PDE11A: variants seen among roughly 807,000 people sequenced by gnomAD.
The protein encoded by PDE11A is phosphodiesterase 11A.
PDE11A carries 100 observed loss-of-function variants against 100.5 expected under a neutral mutation model. That is an observed-to-expected ratio of 1.00 (90% CI 0.85 to 1.18). The LOEUF (loss-of-function observed/expected upper bound fraction) is 1.18, where lower values mean the gene tolerates loss of function less well. Ranked by LOEUF, PDE11A falls within the 50% of genes most tolerant of loss-of-function variation. The pLI is 0.00. For synonymous variants in PDE11A, 381 were observed against 420.8 expected, an observed-to-expected ratio of 0.91 and a Z score of 1.16; for missense variants, 1,141 against 1,152.6, an observed-to-expected ratio of 0.99 and a Z score of 0.15.
intron 2 of PDE11A, among the ~76,000 whole-genome samples, chr2:177,966,359 G>C (rs80331795): frequency 0.16 from 24,043 of 151,966 alleles, 1,967 homozygotes; most frequent in Middle Eastern, 0.26. Flanking sequence ...TGATTGCTCT[G>C]GCTGAGTCTT....
At chr2:177,819,131 T>C (rs564633236) in intron 7 of PDE11A, among the ~76,000 whole-genome samples, 1 of 152,168 alleles carries the variant, frequency 6.6e-6, no homozygotes, top group South Asian at 2.1e-4. Context: ...CCTTTAAACA[T>C]AAATTTATTT....
intron 12 of PDE11A, among the ~76,000 whole-genome samples, chr2:177,724,711 C>T (rs1038118291): frequency 6.6e-6 from 1 of 152,092 alleles, no homozygotes; most frequent in Non-Finnish European, 1.5e-5. Context: ...TTGTTGCTAT[C>T]TCTTTTAGGA....
At chr2:177,707,529 T>G (rs1448245636) in intron 13 of PDE11A, among the ~76,000 whole-genome samples, 3 of 152,186 alleles carry the variant, frequency 2.0e-5, no homozygotes, top group African/African-American at 7.2e-5. Context: ...TGCTTCTCTT[T>G]GAATATCAGC....
intron 10 of PDE11A, among the ~76,000 whole-genome samples, chr2:177,766,709 G>A (rs2082244663): frequency 6.6e-6 from 1 of 152,144 alleles, no homozygotes; most frequent in Non-Finnish European, 1.5e-5. Flanking sequence ...TATTGCTGCA[G>A]TTATAACAGA....
chr2:177,715,171 A>C (rs536950727), intron 12 of PDE11A, among the ~76,000 whole-genome samples: 16 of 152,362 alleles, frequency 1.1e-4, no homozygotes, highest in African/African-American at 3.8e-4. Context: ...TCTCGTACTC[A>C]GTGTGCCTCA....
intron 13 of PDE11A, among the ~76,000 whole-genome samples, chr2:177,705,987 G>A (rs1343788999): frequency 1.3e-5 from 2 of 152,190 alleles, no homozygotes; most frequent in African/African-American, 4.8e-5. Context: ...GGGGAACGCT[G>A]TCCCTAGAGA....
chr2:177,767,556 G>A, intron 10 of PDE11A, among the ~76,000 whole-genome samples: 1 of 151,992 alleles, frequency 6.6e-6, no homozygotes, highest in East Asian at 1.9e-4. Flanking sequence ...TTCATAAATA[G>A]GATTCCTAAA....
At chr2:177,876,903 C>T (rs368699455) in intron 4 of PDE11A, among the ~76,000 whole-genome samples, 1 of 148,072 alleles carries the variant, frequency 6.8e-6, no homozygotes. Context: ...AACAGGAGAA[C>T]AAGCATACAA....
chr2:177,913,122 A>T (rs1435173967), intron 2 of PDE11A, among the ~76,000 whole-genome samples: 2 of 152,214 alleles, frequency 1.3e-5, no homozygotes, highest in Non-Finnish European at 2.9e-5. Context: ...ATATACCTCA[A>T]GAAAGTTTTA....
intron 2 of PDE11A, among the ~76,000 whole-genome samples, chr2:178,103,758 C>CAGAT (rs557075732): frequency 2.8e-4 from 42 of 151,596 alleles, no homozygotes; most frequent in South Asian, 2.1e-3. Context: ...CATTCTTAGA[C>CAGAT]AGATAGATAG....
At chr2:177,889,618 A>T in intron 4 of PDE11A, among the ~76,000 whole-genome samples, 1 of 147,346 alleles carries the variant, frequency 6.8e-6, no homozygotes, top group East Asian at 2.0e-4. Flanking sequence ...TTTTATTTTC[A>T]ATTTTATTAT....
At chr2:177,693,754 G>C (rs1292008263) in intron 15 of PDE11A, among the ~76,000 whole-genome samples, 3 of 152,168 alleles carry the variant, frequency 2.0e-5, no homozygotes, top group African/African-American at 7.2e-5. Context: ...GGAGGTGTGG[G>C]TTCCAGTTTT....
intron 6 of PDE11A, among the ~76,000 whole-genome samples, chr2:177,821,008 A>T (rs2083130578): frequency 1.3e-5 from 2 of 151,920 alleles, no homozygotes; most frequent in South Asian, 4.1e-4. Context: ...AGTTAATATG[A>T]CCTTGATTTT....
At chr2:178,049,866 G>T (rs912296311) in intron 1 of PDE11A, among the ~76,000 whole-genome samples, 2 of 152,172 alleles carry the variant, frequency 1.3e-5, no homozygotes, top group Admixed American at 1.3e-4. Context: ...CTCAAACTGG[G>T]TAGAGCCCAC....
At chr2:178,096,164 C>CTTTTT (rs1257178630) in intron 2 of PDE11A, among the ~76,000 whole-genome samples, 22 of 110,242 alleles carry the variant, frequency 2.0e-4, no homozygotes, top group Non-Finnish European at 2.8e-4. Context: ...TTTTTCTTTT[C>CTTTTT]TTTTCTTTTT....
chr2:177,987,787 T>G (rs1353994227), intron 2 of PDE11A, among the ~76,000 whole-genome samples: 1 of 152,204 alleles, frequency 6.6e-6, no homozygotes, highest in Non-Finnish European at 1.5e-5. Context: ...TATGTTTTTA[T>G]TTTTTGCTTA....
At chr2:178,022,027 G>A (rs1289059431) in intron 1 of PDE11A, among the ~76,000 whole-genome samples, 3 of 152,178 alleles carry the variant, frequency 2.0e-5, no homozygotes, top group African/African-American at 7.2e-5. Context: ...GGTCACTAGA[G>A]AGTTTTAAGA....
chr2:178,032,593 C>T (rs2086562882), intron 1 of PDE11A, among the ~76,000 whole-genome samples: 1 of 152,218 alleles, frequency 6.6e-6, no homozygotes. Flanking sequence ...ACCCCTGTGC[C>T]TCCTTACTGG....
intron 19 of PDE11A, among the ~76,000 whole-genome samples, chr2:177,633,371 T>C (rs561279841): frequency 6.6e-6 from 1 of 152,332 alleles, no homozygotes; most frequent in East Asian, 1.9e-4. Flanking sequence ...GCAAACCACC[T>C]GTTAGTAAAC....
Sources: gnomAD v4.1 joint callset for allele counts (sites outside exome capture counted in the v4.1 genomes callset) on GRCh38, gnomAD v4.1.1 for gene constraint, MANE v1.5 for transcripts, NCBI Gene and HGNC (gene_info 2026-07-23, HGNC 2026-07-21) for gene names.